Variants in CHST11 observed in about 807,000 individuals in gnomAD.
CHST11 encodes carbohydrate sulfotransferase 11.
CHST11 carries 9 observed loss-of-function variants against 30.4 expected under a neutral mutation model. That is an observed-to-expected ratio of 0.30 (90% CI 0.18 to 0.52). CHST11 has a LOEUF of 0.52. Ranked by LOEUF, CHST11 falls within the 20% of genes least tolerant of loss-of-function variation. The pLI is 0.97. For synonymous variants in CHST11, 152 were observed against 187.8 expected (o/e 0.81, Z 1.56); for missense variants, 348 against 460.6 (o/e 0.76, Z 2.24).
Position 104,473,349 on chromosome 12 carries a change from C to T in CHST11, c.118+15820C>T, listed in dbSNP as rs553946612. Among the ~76,000 whole-genome samples, 14 of 152,288 alleles carry T rather than the reference C, an allele frequency of 9.2e-5. 1 individual carries two copies. In the South Asian group the frequency reaches 1.0e-3, roughly 11 times the overall value. ...CCATGGAGGTTAAATTTCAGTCTCT[C>T]AGTTGCTAATGGTGCCCTAGCTTCA... On this transcript the variant is annotated intron_variant, in intron 1 of 2. Coordinates refer to ENST00000303694, the MANE Select transcript of CHST11 (RefSeq NM_018413.6).
intron 1 of CHST11, among the ~76,000 whole-genome samples, chr12:104,459,359 CA>C (rs2037386363): frequency 6.6e-6 from 1 of 152,086 alleles, no homozygotes; most frequent in Admixed American, 6.6e-5. Context: ...CACTCGGGTT[CA>C]AACAGTTTAA....
intron 2 of CHST11, among the ~76,000 whole-genome samples, chr12:104,664,867 T>G (rs2039628821): frequency 6.6e-6 from 1 of 152,220 alleles, no homozygotes; most frequent in Non-Finnish European, 1.5e-5. Context: ...GCCCATTTAT[T>G]AAATTTATGG....
intron 1 of CHST11, among the ~76,000 whole-genome samples, chr12:104,588,690 A>G (rs1650130): frequency 0.84 from 128,203 of 152,262 alleles, 54,141 homozygotes; most frequent in East Asian, 0.99. Context: ...AGTTCTGTAC[A>G]TGACAGCCAT....
intron 2 of CHST11, among the ~76,000 whole-genome samples, chr12:104,659,234 C>T (rs2039574271): frequency 6.6e-6 from 1 of 152,214 alleles, no homozygotes; most frequent in African/African-American, 2.4e-5. Flanking sequence ...TGACTTTGGG[C>T]AAGTGATGTA....
At position 104,700,688 on chromosome 12, in the gene CHST11, A is replaced by C. The variant is rs80155954; in HGVS notation, c.205-56261A>C. Among the ~76,000 whole-genome samples the C allele has an allele frequency of 3.3e-3, 495 of 152,288 alleles. 4 individuals are homozygous for C. Among genetic ancestry groups the C allele is most frequent in the Admixed American group, 0.021 (323 of 15,288 alleles). ...ATTGCTATTGATTGCTGTTTCAAAAACTTTTTCTTTTTGGCACCTACTCTA... is the reference window on the plus strand; with the variant it reads ...ATTGCTATTGATTGCTGTTTCAAAACCTTTTTCTTTTTGGCACCTACTCTA... On this transcript the variant is annotated intron_variant, in intron 2 of 2. Coordinates refer to ENST00000303694, the MANE Select transcript of CHST11 (RefSeq NM_018413.6).
chr12:104,736,441 G>A (rs2040301913), intron 2 of CHST11, among the ~76,000 whole-genome samples: 1 of 152,226 alleles, frequency 6.6e-6, no homozygotes, highest in South Asian at 2.1e-4. Flanking sequence ...GGCCGAGCTG[G>A]AGATTTACCC....
chr12:104,459,023 C>T (rs1484085707), intron 1 of CHST11, among the ~76,000 whole-genome samples: 1 of 152,216 alleles, frequency 6.6e-6, no homozygotes, highest in Non-Finnish European at 1.5e-5. Context: ...GGCAGCCACA[C>T]TGCCAAGGAT....
At chr12:104,655,940 C>G (rs1481795181) in intron 2 of CHST11, among the ~76,000 whole-genome samples, 1 of 152,180 alleles carries the variant, frequency 6.6e-6, no homozygotes, top group Non-Finnish European at 1.5e-5. Context: ...GCTGAAGTCT[C>G]TATGATTTTC....
At chr12:104,473,759 G>A (rs1473340904) in intron 1 of CHST11, among the ~76,000 whole-genome samples, 1 of 152,038 alleles carries the variant, frequency 6.6e-6, no homozygotes, top group Non-Finnish European at 1.5e-5. Flanking sequence ...ACTTCTGGGG[G>A]CCATTGTGCT....
At chr12:104,521,133 C>G (rs1214070853) in intron 1 of CHST11, among the ~76,000 whole-genome samples, 2 of 152,166 alleles carry the variant, frequency 1.3e-5, no homozygotes, top group Non-Finnish European at 2.9e-5. Context: ...AGATGAATGA[C>G]TTGGAGATCC....
intron 1 of CHST11, among the ~76,000 whole-genome samples, chr12:104,536,334 T>C (rs1476795514): frequency 6.6e-6 from 1 of 152,200 alleles, no homozygotes; most frequent in Non-Finnish European, 1.5e-5. Flanking sequence ...CTTCTTCATA[T>C]AGAACTGCCC....
intron 2 of CHST11, among the ~76,000 whole-genome samples, chr12:104,699,202 T>C (rs923046963): frequency 1.3e-5 from 2 of 152,208 alleles, no homozygotes; most frequent in Non-Finnish European, 2.9e-5. Flanking sequence ...GATTCTAACA[T>C]ATACTGAGAT....
intron 1 of CHST11, among the ~76,000 whole-genome samples, chr12:104,513,448 G>A (rs1008587493): frequency 6.6e-6 from 1 of 152,114 alleles, no homozygotes; most frequent in Non-Finnish European, 1.5e-5. Context: ...AAATTAAGGT[G>A]GAAAAAAGAA....
At chr12:104,566,774 G>A (rs2038571730) in intron 1 of CHST11, among the ~76,000 whole-genome samples, 1 of 152,134 alleles carries the variant, frequency 6.6e-6, no homozygotes, top group African/African-American at 2.4e-5. Context: ...CACCTCCCAT[G>A]TTCCCCTAGT....
chr12:104,501,998 C>T (rs2037857509), intron 1 of CHST11, among the ~76,000 whole-genome samples: 1 of 152,018 alleles, frequency 6.6e-6, no homozygotes, highest in South Asian at 2.1e-4. Context: ...ACACGTGTGA[C>T]CTCAACTGTT....
intron 2 of CHST11, among the ~76,000 whole-genome samples, chr12:104,731,474 TTTTA>T (rs1225623614): frequency 6.6e-6 from 1 of 152,104 alleles, no homozygotes; most frequent in Non-Finnish European, 1.5e-5. Context: ...CTTCTCCCGG[TTTTA>T]TTTTGGGGGG....
chr12:104,723,482 A>G (rs1204803280), intron 2 of CHST11, among the ~76,000 whole-genome samples: 2 of 152,214 alleles, frequency 1.3e-5, no homozygotes, highest in Admixed American at 1.3e-4. Context: ...CCCTTTCCCG[A>G]CACTCACTCC....
intron 1 of CHST11, among the ~76,000 whole-genome samples, chr12:104,563,836 G>A (rs1283770262): frequency 6.6e-6 from 1 of 152,000 alleles, no homozygotes; most frequent in Non-Finnish European, 1.5e-5. Flanking sequence ...GAGGGGTTTG[G>A]AGTAGGCTCT....
intron 2 of CHST11, among the ~76,000 whole-genome samples, chr12:104,672,762 A>G (rs888149750): frequency 1.3e-5 from 2 of 151,972 alleles, no homozygotes; most frequent in African/African-American, 4.8e-5. Flanking sequence ...TCCCTCCTAC[A>G]CTTTCCAAGC....
Sources: allele counts gnomAD v4.1 joint callset (sites outside exome capture counted in the v4.1 genomes callset), GRCh38; gene constraint gnomAD v4.1.1; transcripts MANE v1.5; gene names NCBI Gene and HGNC (gene_info 2026-07-23, HGNC 2026-07-21).